Variants in STAU1 observed in about 807,000 individuals in gnomAD.
STAU1 encodes staufen double-stranded RNA binding protein 1.
Under a neutral mutation model 62.9 loss-of-function variants are expected in STAU1, and 13 were observed. The ratio of observed to expected loss-of-function variants is 0.21; its 90% CI spans 0.13 to 0.33. The LOEUF is 0.33. STAU1 is among the 10% of genes least tolerant of loss of function. The probability of loss-of-function intolerance (pLI) is 1.00; values close to 1 mark genes in which losing one functional copy is unlikely to be tolerated. For missense variants in STAU1, 571 were observed against 712.1 expected (o/e 0.80, Z 2.25); for synonymous variants, 269 against 265.1 (o/e 1.01, Z -0.14).
At chr20:49,179,746 G>C (rs2093701445) in intron 1 of STAU1, among the ~76,000 whole-genome samples, 1 of 152,190 alleles carries the variant, frequency 6.6e-6, no homozygotes, top group Non-Finnish European at 1.5e-5. Flanking sequence ...AGCAAAGATA[G>C]GAGAGAATCA....
chr20:49,182,489 T>A (rs540624996), intron 1 of STAU1, among the ~76,000 whole-genome samples: 28 of 152,298 alleles, frequency 1.8e-4, no homozygotes, highest in African/African-American at 6.7e-4. Context: ...GAACAATGGA[T>A]TTGGCCAACA....
At chr20:49,202,496 G>A in the STAU1 span, among the ~76,000 whole-genome samples, 1 of 150,972 alleles carries the variant, frequency 6.6e-6, no homozygotes, top group Non-Finnish European at 1.5e-5. Flanking sequence ...CCCAGGAGGT[G>A]GAGGCTGCAG....
Position 49,117,305 on chromosome 20 carries a change from G to T in STAU1, c.1510-57C>A. Reference sequence around the variant, plus strand: ...GGGAACAGCAAGTATGAGTGGGCTGGAGGGCTGCAGCTCCAGGCCCCACAA... The same window carrying T: ...GGGAACAGCAAGTATGAGTGGGCTGTAGGGCTGCAGCTCCAGGCCCCACAA... On this transcript the variant is annotated intron_variant, in intron 11 of 13. Transcript: ENST00000371856. The surrounding 1 kb of genome is among the most constrained non-coding windows in gnomAD (Gnocchi z 4.6). The T allele has an allele frequency of 6.3e-7, 1 of 1,596,918 alleles. No individual in the cohort carries two copies. Among genetic ancestry groups the T allele is most frequent in the South Asian group, 1.1e-5 (1 of 88,706 alleles).
the STAU1 span, among the ~76,000 whole-genome samples, chr20:49,207,301 A>C: frequency 6.6e-6 from 1 of 151,432 alleles, no homozygotes; most frequent in East Asian, 1.9e-4. Context: ...AGTGTCCACC[A>C]TGCCACTTTT....
chr20:49,115,841 C>T lies in STAU1; in HGVS notation c.1659G>A (p.Leu553=). The T allele has an allele frequency of 6.2e-7, 1 of 1,614,068 alleles. No individual in the cohort carries two copies. Among genetic ancestry groups the T allele is most frequent in the East Asian group, 2.2e-5 (1 of 44,868 alleles). Residue 553 remains leucine (L), a synonymous_variant, in exon 13 of 14, where the codon CTG becomes CTA. Transcript: ENST00000371856. ...CTGTACTTTGTTGGTCCAACTCAGACAGCAACTTTAAGATGTTCAGCGCAG... is the reference window on the plus strand; with the variant it reads ...CTGTACTTTGTTGGTCCAACTCAGATAGCAACTTTAAGATGTTCAGCGCAG... ...DMAALNILKL[L]SELDQQSTEM...
At chr20:49,136,233 C>T (rs1008161487) in intron 5 of STAU1, among the ~76,000 whole-genome samples, 1 of 152,148 alleles carries the variant, frequency 6.6e-6, no homozygotes, top group African/African-American at 2.4e-5. Flanking sequence ...CCCAGGAGAT[C>T]GAGGCTGCAG....
the STAU1 span, among the ~76,000 whole-genome samples, chr20:49,205,363 G>GTTT: frequency 6.8e-4 from 80 of 118,092 alleles, 4 homozygotes; most frequent in Middle Eastern, 4.6e-3. Context: ...CTTTATGACA[G>GTTT]TTTTTTTTTT....
chr20:49,151,765 T>C lies in STAU1; in HGVS notation c.345-18A>G, dbSNP rs754156609. ...AAAAGTACCTAGAAATAAAAGGAGG[T>C]TAGGCAAATTACAGTCTCAAGTTGA... On this transcript the variant is annotated intron_variant, in intron 4 of 13. Transcript: ENST00000371856. 1.3e-6 allele frequency: 2 copies of C among 1,599,976 alleles called. No individual in the cohort carries two copies.
the STAU1 span, among the ~76,000 whole-genome samples, chr20:49,203,881 T>C: frequency 6.6e-6 from 1 of 152,044 alleles, no homozygotes; most frequent in South Asian, 2.1e-4. Context: ...GAGACGGGGT[T>C]TCATCATGTT....
chr20:49,123,774 A>C (rs966900994), intron 7 of STAU1, among the ~76,000 whole-genome samples: 1 of 152,224 alleles, frequency 6.6e-6, no homozygotes, highest in South Asian at 2.1e-4. Flanking sequence ...AAAGGGAAAC[A>C]AAAGGTATAC....
intron 2 of STAU1, among the ~76,000 whole-genome samples, chr20:49,170,427 C>G (rs912105116): frequency 2.0e-5 from 3 of 152,080 alleles, no homozygotes; most frequent in Non-Finnish European, 4.4e-5. Flanking sequence ...CTTGGCTCAC[C>G]GTAACCTCTG....
upstream of STAU1, among the ~76,000 whole-genome samples, chr20:49,191,236 A>C (rs777890164): frequency 2.0e-5 from 3 of 152,068 alleles, no homozygotes; most frequent in Admixed American, 6.6e-5. Flanking sequence ...CATGTTGGCC[A>C]GGCTGGTCTC....
chr20:49,213,903 A>G, the STAU1 span, among the ~76,000 whole-genome samples: 9 of 152,230 alleles, frequency 5.9e-5, no homozygotes, highest in Non-Finnish European at 1.2e-4. Context: ...TAATCATTCT[A>G]TGCTTGAATC....
chr20:49,211,401 CTG>C, the STAU1 span, among the ~76,000 whole-genome samples: 1 of 148,766 alleles, frequency 6.7e-6, no homozygotes, highest in Non-Finnish European at 1.5e-5. Flanking sequence ...GGCAGGGTCT[CTG>C]TATGTTACCC....
At chr20:49,150,721 T>A (rs1231518552) in intron 5 of STAU1, among the ~76,000 whole-genome samples, 2 of 152,122 alleles carry the variant, frequency 1.3e-5, no homozygotes, top group African/African-American at 4.8e-5. Flanking sequence ...CTGGGCTCCA[T>A]GACTGCTTGA....
chr20:49,205,424 G>A, the STAU1 span, among the ~76,000 whole-genome samples: 1 of 146,880 alleles, frequency 6.8e-6, no homozygotes, highest in African/African-American at 2.5e-5. Context: ...GGAGTGCAGC[G>A]GCACGATCTC....
At chr20:49,195,267 G>A in the STAU1 span, among the ~76,000 whole-genome samples, 1 of 152,162 alleles carries the variant, frequency 6.6e-6, no homozygotes. Context: ...GCTGGGCGCT[G>A]TGGCTCACGC....
chr20:49,147,748 C>T (rs1403265680), intron 5 of STAU1, among the ~76,000 whole-genome samples: 1 of 152,222 alleles, frequency 6.6e-6, no homozygotes, highest in Non-Finnish European at 1.5e-5. Flanking sequence ...CATAGTGGAA[C>T]ATTTTGTAGC....
the STAU1 span, among the ~76,000 whole-genome samples, chr20:49,205,226 A>T: frequency 6.6e-6 from 1 of 152,224 alleles, no homozygotes; most frequent in South Asian, 2.1e-4. Flanking sequence ...CATTCTCCTC[A>T]TAATGATGGA....
Sources: allele counts gnomAD v4.1 joint callset (sites outside exome capture counted in the v4.1 genomes callset), GRCh38; gene constraint gnomAD v4.1.1; non-coding constraint Gnocchi (gnomAD v3.1); transcripts MANE v1.5; gene names NCBI Gene and HGNC (gene_info 2026-07-23, HGNC 2026-07-21).